The following RBFOX1 variants were observed in gnomAD, a reference collection of about 807,000 sequenced individuals.
The protein encoded by RBFOX1 is RNA binding fox-1 homolog 1.
In RBFOX1, 8 loss-of-function variants were observed where a neutral mutation model predicts 57.7. That is an observed-to-expected ratio of 0.14 (90% CI 0.08 to 0.25). The LOEUF (loss-of-function observed/expected upper bound fraction) is 0.25, where lower values mean the gene tolerates loss of function less well. Among genes scored for constraint, RBFOX1 ranks in the 10% least tolerant of loss-of-function variants. RBFOX1 has a pLI of 1.00. For missense variants in RBFOX1, 611 were observed against 548.5 expected (o/e 1.11, Z -1.14); for synonymous variants, 326 against 222.4 (o/e 1.47, Z -4.15).
At chr16:7,222,920 G>A (rs2092834405) in intron 4 of RBFOX1, among the ~76,000 whole-genome samples, 1 of 152,118 alleles carries the variant, frequency 6.6e-6, no homozygotes. Context: ...TGCTCAACCA[G>A]TCCTCTCATT....
At chr16:5,261,572 T>G (rs2062734476) in intron 1 of RBFOX1, among the ~76,000 whole-genome samples, 1 of 147,826 alleles carries the variant, frequency 6.8e-6, no homozygotes, top group Non-Finnish European at 1.5e-5. Context: ...TTTTTTGAGT[T>G]GGAGTCTCTC....
At chr16:7,290,987 T>C (rs967355428) in intron 4 of RBFOX1, among the ~76,000 whole-genome samples, 1 of 152,242 alleles carries the variant, frequency 6.6e-6, no homozygotes, top group Non-Finnish European at 1.5e-5. Flanking sequence ...CATTTCATTC[T>C]GTGATTATTT....
intron 1 of RBFOX1, among the ~76,000 whole-genome samples, chr16:6,298,055 G>T (rs1323042113): frequency 6.6e-6 from 1 of 152,240 alleles, no homozygotes; most frequent in Admixed American, 6.5e-5. Flanking sequence ...AATAGGCAGA[G>T]GGTCTGCTGT....
At chr16:7,229,587 G>C (rs2093357832) in intron 4 of RBFOX1, among the ~76,000 whole-genome samples, 2 of 131,692 alleles carry the variant, frequency 1.5e-5, no homozygotes, top group South Asian at 2.4e-4. Context: ...GAGAAAGGGA[G>C]AGAGAGGAAG....
chr16:7,489,335 T>C (rs1348027926), intron 4 of RBFOX1, among the ~76,000 whole-genome samples: 1 of 152,220 alleles, frequency 6.6e-6, no homozygotes, highest in African/African-American at 2.4e-5. Context: ...TTGGCAAGTA[T>C]TTCATAATTG....
chr16:6,327,238 C>T (rs2082479943), intron 2 of RBFOX1, among the ~76,000 whole-genome samples: 5 of 152,058 alleles, frequency 3.3e-5, no homozygotes. Context: ...ATTCATGTTG[C>T]TCTCTCATTC....
intron 1 of RBFOX1, among the ~76,000 whole-genome samples, chr16:6,047,286 A>T (rs2095505108): frequency 1.3e-5 from 2 of 152,220 alleles, no homozygotes; most frequent in African/African-American, 4.8e-5. Context: ...ACTCAGAATT[A>T]GGCTGACCAT....
intron 3 of RBFOX1, among the ~76,000 whole-genome samples, chr16:6,900,533 C>T (rs13332379): frequency 0.17 from 26,211 of 152,182 alleles, 2,383 homozygotes; most frequent in South Asian, 0.28. Context: ...CTTCTCTCAA[C>T]ACTCATCTGC....
intron 13 of RBFOX1, among the ~76,000 whole-genome samples, chr16:7,676,499 A>G (rs1220342955): frequency 1.3e-5 from 2 of 152,324 alleles, no homozygotes; most frequent in South Asian, 2.1e-4. Flanking sequence ...GACAATCGCC[A>G]TTAACATTTA....
chr16:6,700,071 C>G (rs956393923), intron 3 of RBFOX1, among the ~76,000 whole-genome samples: 6 of 152,202 alleles, frequency 3.9e-5, no homozygotes, highest in Middle Eastern at 3.4e-3. Context: ...ATCAAATACT[C>G]TCCCCCACTC....
chr16:5,928,299 C>G (rs891234510), intron 4 of RBFOX1, among the ~76,000 whole-genome samples: 1 of 151,524 alleles, frequency 6.6e-6, no homozygotes, highest in African/African-American at 2.4e-5. Flanking sequence ...TCTGGCTGGT[C>G]TTAAAACTCC....
chr16:6,450,170 C>G lies in RBFOX1; in HGVS notation c.-64+133113C>G, dbSNP rs537273344. On this transcript the variant is annotated intron_variant, in intron 2 of 15. Transcript: ENST00000550418. ...CCTGGCTTCCCTGTGTTTCAGAACA[C>G]CTGGATCCAAATCCCAGCTCTGCTT... Among the ~76,000 whole-genome samples the G allele has an allele frequency of 5.9e-4, 90 of 152,256 alleles. 1 individual carries two copies. Among genetic ancestry groups the G allele is most frequent in the African/African-American group, 2.1e-3 (88 of 41,538 alleles).
At chr16:5,520,878 T>C (rs565259856) in intron 2 of RBFOX1, among the ~76,000 whole-genome samples, 5 of 152,324 alleles carry the variant, frequency 3.3e-5, no homozygotes, top group Admixed American at 6.5e-5. Context: ...TTGGGTAGAA[T>C]GGGAATTGCC....
chr16:5,462,728 C>G (rs1403928451), intron 1 of RBFOX1, among the ~76,000 whole-genome samples: 1 of 152,148 alleles, frequency 6.6e-6, no homozygotes. Flanking sequence ...TGTCTCCACA[C>G]TAAGGGCTCT....
intron 3 of RBFOX1, among the ~76,000 whole-genome samples, chr16:6,782,148 G>A (rs558528127): frequency 2.5e-4 from 38 of 152,056 alleles, no homozygotes; most frequent in African/African-American, 7.7e-4. Context: ...CTGGGACTAC[G>A]GGCATGCACC....
intron 1 of RBFOX1, among the ~76,000 whole-genome samples, chr16:5,305,987 T>C (rs1337293453): frequency 6.6e-6 from 1 of 152,110 alleles, no homozygotes. Context: ...AGTCCAGTAG[T>C]TTGAGACCAA....
chr16:7,007,983 AG>A (rs1418077594), intron 3 of RBFOX1, among the ~76,000 whole-genome samples: 1 of 152,188 alleles, frequency 6.6e-6, no homozygotes, highest in East Asian at 1.9e-4. Flanking sequence ...CAGAAATGGT[AG>A]CAAAATAAAA....
chr16:6,479,222 C>G (rs368853703), intron 2 of RBFOX1, among the ~76,000 whole-genome samples: 1 of 152,188 alleles, frequency 6.6e-6, no homozygotes, highest in East Asian at 1.9e-4. Context: ...AATTGACTCA[C>G]AGTTCTGGAG....
chr16:5,861,519 C>A (rs1348806312), intron 3 of RBFOX1, among the ~76,000 whole-genome samples: 1 of 152,176 alleles, frequency 6.6e-6, no homozygotes, highest in South Asian at 2.1e-4. Flanking sequence ...ATTTGCTCTC[C>A]CACCTGGGAC....
Sources: gnomAD v4.1 joint callset for allele counts (sites outside exome capture counted in the v4.1 genomes callset) on GRCh38, gnomAD v4.1.1 for gene constraint, MANE v1.5 for transcripts, NCBI Gene and HGNC (gene_info 2026-07-23, HGNC 2026-07-21) for gene names.